COL7A1: variants seen among roughly 807,000 people sequenced by gnomAD.
The protein encoded by COL7A1 is collagen type VII alpha 1 chain.
In COL7A1, 296 loss-of-function variants were observed where a neutral mutation model predicts 456.2. The observed-to-expected ratio is 0.65, with a 90% CI of 0.59 to 0.71. The LOEUF (loss-of-function observed/expected upper bound fraction) is 0.71. Ranked by LOEUF, COL7A1 falls within the 30% of genes least tolerant of loss-of-function variation. The pLI is 0.00. For synonymous variants in COL7A1, 1,464 were observed against 1,525.9 expected, an observed-to-expected ratio of 0.96 and a Z score of 0.95; for missense variants, 3,441 against 4,017.2, an observed-to-expected ratio of 0.86 and a Z score of 3.88.
rs1483394115 is a variant in COL7A1 at position 48,569,147 on chromosome 3, A to T, written c.7686+228T>A. ...CCCAAGGAGCCCCTTTCCTGTCCCTATAGGGCCCCTTCATAGGGCCAGTCC... is the reference window on the plus strand; with the variant it reads ...CCCAAGGAGCCCCTTTCCTGTCCCTTTAGGGCCCCTTCATAGGGCCAGTCC... On this transcript the variant is annotated intron_variant, in intron 103 of 118. Coordinates refer to ENST00000681320, the MANE Select transcript of COL7A1 (RefSeq NM_000094.4). The surrounding 1 kb of genome is among the most constrained non-coding windows in gnomAD (Gnocchi z 4.9). Among the ~76,000 whole-genome samples the T allele has an allele frequency of 6.6e-6, 1 of 151,806 alleles. No individual in the cohort carries two copies. Among genetic ancestry groups the T allele is most frequent in the Non-Finnish European group, 1.5e-5 (1 of 67,900 alleles).
chr3:48,566,761 A>G lies in COL7A1; in HGVS notation c.8227-24T>C. 1 of 1,613,092 alleles carries G rather than the reference A, an allele frequency of 6.2e-7. No homozygotes were observed. Among genetic ancestry groups the G allele is most frequent in the Non-Finnish European group, 8.5e-7 (1 of 1,179,690 alleles). ...CCCTGTCAGACACAGGGACCAAGTG[A>G]GCAGGGTCAGAGGCAGTGGGGATCA... On this transcript the variant is annotated intron_variant, in intron 111 of 118. Coordinates refer to ENST00000681320, the MANE Select transcript of COL7A1 (RefSeq NM_000094.4). This position sits in a 1 kb window ranked among gnomAD's most constrained non-coding sequence, Gnocchi z 5.9.
At chr3:48,576,159 T>TG in intron 71 of COL7A1, 90 bp downstream of exon 71, 4 of 1,581,610 alleles carry the variant, frequency 2.5e-6, no homozygotes, top group Non-Finnish European at 3.5e-6. Flanking sequence ...ACAGAACCTA[T>TG]GGAGCCTCAT....
chr3:48,586,679 A>T lies in COL7A1; in HGVS notation c.3287T>A (p.Leu1096Gln), dbSNP rs1474365354. 1.9e-6 allele frequency: 3 copies of T among 1,593,178 alleles called. No homozygotes were observed. The Admixed American group carries it at 5.4e-5, about 28-fold the overall frequency. ...TGGGGAGGGCCGATGACTGTAAGAC[A>T]GCAGGCCAACCTGGGGTGGAAGGAA... Reference protein sequence around the residue: ...LGPQAVQVGLLSYSHRPSPLF... With the variant: ...LGPQAVQVGLQSYSHRPSPLF... The change falls in exon 26 of 119, where the codon CTG becomes CAG. Residue 1096 changes from leucine to glutamine, a missense_variant. This residue lies in a region of COL7A1 where 444 missense variants were observed against 427.6 expected (regional missense o/e 1.04). Coordinates refer to ENST00000681320, the MANE Select transcript of COL7A1 (RefSeq NM_000094.4). The surrounding 1 kb of genome is among the most constrained non-coding windows in gnomAD (Gnocchi z 5.1).
rs759107598 is a variant in COL7A1, at chr3:48,585,677, G to A, written c.3831+13C>T. 1.7e-5 allele frequency: 28 copies of A among 1,613,894 alleles called. No homozygotes were observed. Among genetic ancestry groups the A allele is most frequent in the Non-Finnish European group, 2.0e-5 (24 of 1,179,988 alleles). On this transcript the variant is annotated intron_variant, in intron 31 of 118. Transcript: ENST00000681320. This position sits in a 1 kb window ranked among gnomAD's most constrained non-coding sequence, Gnocchi z 4.5. ...CCAGTCAGGGTGCAGGGACAGATGT[G>A]GGGGACACTCACCGGGAGGCCAGGG...
Position 48,588,146 on chromosome 3 carries a change from T to G in COL7A1, c.2710+136A>C. On this transcript the variant is annotated intron_variant, in intron 21 of 118. Coordinates refer to ENST00000681320, the MANE Select transcript of COL7A1 (RefSeq NM_000094.4). The surrounding 1 kb of genome is among the most constrained non-coding windows in gnomAD (Gnocchi z 4.6). ...TGATCCCACCCACTTCATTGATTGA[T>G]CTTACCTACTGTCACGGATCCCGCA... 2.1e-6 allele frequency: 3 copies of G among 1,421,828 alleles called. No individual in the cohort carries two copies. The highest frequency in any genetic ancestry group is 1.9e-6 in the Non-Finnish European group (2 of 1,036,580). 88.1% of individuals were successfully genotyped at this position (1,421,828 alleles called of 1,614,324 possible). A position where few individuals can be genotyped will look rare whatever the true frequency, so the allele number is the denominator to read the frequency against.
In COL7A1 at chr3:48,574,721, C is replaced by A. The variant is rs1256710691; in HGVS notation, c.6349G>T (p.Gly2117Trp). Reference sequence around the variant, plus strand: ...TGGTCACCATTGCTGCCCGGCTCCCCCTGTGGGGATGAGATGTCAAGTCAG... The same window carrying A: ...TGGTCACCATTGCTGCCCGGCTCCCACTGTGGGGATGAGATGTCAAGTCAG... The part of the protein sequence containing the change: ...QGPPGLKGAK[G>W]EPGSNGDQGP... The change falls in exon 78 of 119, where the codon GGG becomes TGG. Residue 2117 changes from glycine (G) to tryptophan (W), a missense_variant and splice_region_variant. Physicochemically the swap from Gly to Trp is radical, Grantham distance 184. This residue lies in a region of COL7A1 where 2,084 missense variants were observed against 2,501.3 expected (regional missense o/e 0.83). Transcript: ENST00000681320. The surrounding 1 kb of genome is among the most constrained non-coding windows in gnomAD (Gnocchi z 5.0). 6.2e-7 allele frequency: 1 copy of A among 1,613,876 alleles called. No individual in the cohort carries two copies. Among genetic ancestry groups the A allele is most frequent in the Non-Finnish European group, 8.5e-7 (1 of 1,180,028 alleles).
rs1448292557 is a variant in COL7A1 at position 48,575,930 on chromosome 3, G to C, written c.5821-28C>G. 6.2e-7 allele frequency: 1 copy of C among 1,614,002 alleles called. No individual in the cohort carries two copies. Among genetic ancestry groups the C allele is most frequent in the Non-Finnish European group, 8.5e-7 (1 of 1,180,034 alleles). On this transcript the variant is annotated intron_variant, in intron 71 of 118. Transcript: ENST00000681320. The surrounding 1 kb of genome is among the most constrained non-coding windows in gnomAD (Gnocchi z 6.3). The stretch of plus-strand genomic sequence containing the variant: ...GGGGACAAAGTCTGGGTGAAGGGCT[G>C]CCCATGACAGAGAAGCTCCTGCCTT...
rs753359881 is a variant in COL7A1 at position 48,579,466 on chromosome 3, A to C, written c.5271+14T>G. On this transcript the variant is annotated intron_variant, in intron 60 of 118. Coordinates refer to ENST00000681320, the MANE Select transcript of COL7A1 (RefSeq NM_000094.4). This position sits in a 1 kb window ranked among gnomAD's most constrained non-coding sequence, Gnocchi z 4.4. The stretch of plus-strand genomic sequence containing the variant: ...GATGGGGACTTGGCAGACGGGGCAA[A>C]GTGCATCACTCACCTGTGGGCCTGG... 9.0e-5 allele frequency: 146 copies of C among 1,613,994 alleles called. No homozygotes were observed. The South Asian group carries it at 1.6e-3, about 18-fold the overall frequency.
At position 48,590,443 on chromosome 3, in the gene COL7A1, C is replaced by T. The variant is rs370331756; in HGVS notation, c.1906+16G>A. The T allele has an allele frequency of 5.0e-6, 8 of 1,614,156 alleles. No homozygotes were observed. Among genetic ancestry groups the T allele is most frequent in the Non-Finnish European group, 6.8e-6 (8 of 1,180,024 alleles). ...ATTGGTCCCTTTGGCAGTCCCCCCA[C>T]ACACCCCACACTGACCACTGCCTGT... On this transcript the variant is annotated intron_variant, in intron 15 of 118. Transcript: ENST00000681320. The surrounding 1 kb of genome is among the most constrained non-coding windows in gnomAD (Gnocchi z 4.6).
chr3:48,581,089 A>G lies in COL7A1; in HGVS notation c.4935+33T>C, dbSNP rs2044720981. ...TACTGGGATCCTAGTTCAAGGGTAAAGGATCAGAAACCACAGTGGGAAGGA... is the reference window on the plus strand; with the variant it reads ...TACTGGGATCCTAGTTCAAGGGTAAGGGATCAGAAACCACAGTGGGAAGGA... On this transcript the variant is annotated intron_variant, in intron 53 of 118. Coordinates refer to ENST00000681320, the MANE Select transcript of COL7A1 (RefSeq NM_000094.4). The surrounding 1 kb of genome is among the most constrained non-coding windows in gnomAD (Gnocchi z 5.8). The G allele has an allele frequency of 6.2e-7, 1 of 1,613,422 alleles. No homozygotes were observed. Among genetic ancestry groups the G allele is most frequent in the Admixed American group, 1.7e-5 (1 of 60,002 alleles).
Position 48,572,753 on chromosome 3 carries a change from G to A in COL7A1, c.6832-14C>T. ...ACCTGGTGACCCCTATGGCAGAGCA[G>A]CGTGAGGAACTCAGTGCCTCTCCAC... On this transcript the variant is annotated splice_polypyrimidine_tract_variant and intron_variant, in intron 87 of 118. Coordinates refer to ENST00000681320, the MANE Select transcript of COL7A1 (RefSeq NM_000094.4). The surrounding 1 kb of genome is among the most constrained non-coding windows in gnomAD (Gnocchi z 4.6). The A allele has an allele frequency of 1.2e-6, 2 of 1,610,738 alleles. No individual in the cohort carries two copies. Among genetic ancestry groups the A allele is most frequent in the Non-Finnish European group, 1.7e-6 (2 of 1,178,506 alleles).
chr3:48,588,651 C>T lies in COL7A1; in HGVS notation c.2578G>A (p.Val860Ile). The T allele has an allele frequency of 6.2e-7, 1 of 1,613,836 alleles. No homozygotes were observed. The highest frequency in any genetic ancestry group is 8.5e-7 in the Non-Finnish European group (1 of 1,180,022). The change falls in exon 20 of 119, where the codon GTC (valine) becomes ATC (isoleucine). Residue 860 changes from valine (V) to isoleucine (I), a missense_variant. By Grantham distance (29) the Val-to-Ile change is conservative. This residue lies in a region of COL7A1 where 444 missense variants were observed against 427.6 expected (regional missense o/e 1.04). Transcript: ENST00000681320. The surrounding 1 kb of genome is among the most constrained non-coding windows in gnomAD (Gnocchi z 4.6). ...CGCATGCTCTGCCTACGCGTAGTGA[C>T]AACAATGGAGACAGGTGTGCCCTCG... is the stretch of plus-strand genomic sequence containing the variant. ...DREGTPVSIV[V>I]TTPPEAPPAL...
chr3:48,576,105 T>G, intron 71 of COL7A1, 144 bp downstream of exon 71: 1 of 1,423,314 alleles, frequency 7.0e-7, no homozygotes, highest in Non-Finnish European at 9.8e-7. Flanking sequence ...CCCTTGAGTG[T>G]GGGCTACAAG....
At position 48,575,644 on chromosome 3, in the gene COL7A1, CT is replaced by C; in HGVS notation, c.5960del (p.Gln1987ArgfsTer18). 1 of 1,613,466 alleles carries C rather than the reference CT, an allele frequency of 6.2e-7. No individual in the cohort carries two copies. The highest frequency in any genetic ancestry group is 8.5e-7 in the Non-Finnish European group (1 of 1,180,028). ...TGCTCACCTCCTTGCCTGGGGGGCC[CT>C]GTTCGCCTGAGTCCCCCTTGGGGCC... ...RRGPKGDSGE[Q>X]GPPGKEGPIG... On this transcript the variant is annotated frameshift_variant, in exon 73 of 119. Coordinates refer to ENST00000681320, the MANE Select transcript of COL7A1 (RefSeq NM_000094.4). LOFTEE classifies it high-confidence loss of function. This position sits in a 1 kb window ranked among gnomAD's most constrained non-coding sequence, Gnocchi z 6.3.
In COL7A1 at chr3:48,583,793, G is replaced by A; in HGVS notation, c.4279-13C>T. 6.2e-7 allele frequency: 1 copy of A among 1,613,786 alleles called. No homozygotes were observed. The highest frequency in any genetic ancestry group is 1.6e-4 in the Middle Eastern group (1 of 6,062). On this transcript the variant is annotated splice_polypyrimidine_tract_variant and intron_variant, in intron 39 of 118. Coordinates refer to ENST00000681320, the MANE Select transcript of COL7A1 (RefSeq NM_000094.4). The surrounding 1 kb of genome is among the most constrained non-coding windows in gnomAD (Gnocchi z 5.1). ...TTCCGGGAAGACCCTAGGAAGAAGT[G>A]AGTAAAAATATGAGCCAAGAACTAT...
Position 48,573,689 on chromosome 3 carries a change from C to T in COL7A1, c.6573+1G>A. On this transcript the variant is annotated splice_donor_variant, in intron 82 of 118. Coordinates refer to ENST00000681320, the MANE Select transcript of COL7A1 (RefSeq NM_000094.4). LOFTEE classifies it high-confidence loss of function. This position sits in a 1 kb window ranked among gnomAD's most constrained non-coding sequence, Gnocchi z 5.5. ...CCAGGCAGTGTTCCCTGGTCACTCA[C>T]CGGGGCACCAGGTGGTCCAGGGTCT... 6.2e-7 allele frequency: 1 copy of T among 1,612,980 alleles called. No homozygotes were observed. The highest frequency in any genetic ancestry group is 8.5e-7 in the Non-Finnish European group (1 of 1,179,496).
rs948576366 is a variant in COL7A1 at position 48,593,715 on chromosome 3, G to C, written c.267-19C>G. 33 of 1,614,090 alleles carry C rather than the reference G, an allele frequency of 2.0e-5. No individual in the cohort carries two copies. Among genetic ancestry groups the C allele is most frequent in the Non-Finnish European group, 7.6e-6 (9 of 1,180,024 alleles). On this transcript the variant is annotated intron_variant, in intron 3 of 118. Coordinates refer to ENST00000681320, the MANE Select transcript of COL7A1 (RefSeq NM_000094.4). The surrounding 1 kb of genome is among the most constrained non-coding windows in gnomAD (Gnocchi z 4.4). ...CTCTGTCCTGTTGGAGGGTAGGGGTGGCAACAGGCTAGGACTCAGGATCTC... is the reference window on the plus strand; with the variant it reads ...CTCTGTCCTGTTGGAGGGTAGGGGTCGCAACAGGCTAGGACTCAGGATCTC...
Position 48,593,313 on chromosome 3 carries a change from C to T in COL7A1, c.520+43G>A. The T allele has an allele frequency of 1.2e-6, 2 of 1,613,846 alleles. No homozygotes were observed. The highest frequency in any genetic ancestry group is 1.3e-5 in the African/African-American group (1 of 75,006). On this transcript the variant is annotated intron_variant, in intron 5 of 118. Transcript: ENST00000681320. The surrounding 1 kb of genome is among the most constrained non-coding windows in gnomAD (Gnocchi z 4.4). ...CAGTCACCCACATGCTCTCTGACTGCCCCCACCCCCCAGCTGACCTGTCAC... is the reference window on the plus strand; with the variant it reads ...CAGTCACCCACATGCTCTCTGACTGTCCCCACCCCCCAGCTGACCTGTCAC...
At position 48,574,424 on chromosome 3, in the gene COL7A1, A is replaced by C; in HGVS notation, c.6456+64T>G. The C allele has an allele frequency of 6.2e-7, 1 of 1,612,508 alleles. No homozygotes were observed. Among genetic ancestry groups the C allele is most frequent in the African/African-American group, 1.3e-5 (1 of 75,042 alleles). On this transcript the variant is annotated intron_variant, in intron 79 of 118. Transcript: ENST00000681320. The surrounding 1 kb of genome is among the most constrained non-coding windows in gnomAD (Gnocchi z 5.0). ...CAGGCAGTACAGACCCCAGCCCTGC[A>C]CACAGGACAATACATGTGAGAGCCA...
Sources: allele counts gnomAD v4.1 joint callset (sites outside exome capture counted in the v4.1 genomes callset), GRCh38; gene constraint gnomAD v4.1.1; regional missense constraint gnomAD v4.1.1; non-coding constraint Gnocchi (gnomAD v3.1); transcripts MANE v1.5; gene names NCBI Gene and HGNC (gene_info 2026-07-23, HGNC 2026-07-21).